Variants in C8orf34 observed in about 807,000 individuals in gnomAD.
The protein encoded by C8orf34 is uncharacterized protein C8orf34.
Under a neutral mutation model 68.3 loss-of-function variants are expected in C8orf34, and 65 were observed. The observed-to-expected ratio is 0.95, with a 90% CI of 0.78 to 1.17. The LOEUF is 1.17. Ranked by LOEUF, C8orf34 falls within the 50% of genes most tolerant of loss-of-function variation. The pLI is 0.00. For synonymous variants in C8orf34, 244 were observed against 241.2 expected (o/e 1.01, Z -0.11); for missense variants, 664 against 655.4 (o/e 1.01, Z -0.14).
rs1805579414 is a variant in C8orf34, at chr8:68,331,347, G to T, written c.327+8G>T. On this transcript the variant is annotated splice_region_variant and intron_variant, in intron 1 of 13. Transcript: ENST00000518698. ...ATCGGTCCCCTGTTTGAGGTAAGGC[G>T]CTGTGGAGGAGGGCAGTCCCGTTGT... The T allele has an allele frequency of 2.0e-6, 3 of 1,536,302 alleles. No individual in the cohort carries two copies. Among genetic ancestry groups the T allele is most frequent in the Middle Eastern group, 1.7e-4 (1 of 5,992 alleles).
intron 5 of C8orf34, among the ~76,000 whole-genome samples, chr8:68,500,531 A>G (rs924238481): frequency 1.3e-5 from 2 of 152,158 alleles, no homozygotes; most frequent in Admixed American, 6.5e-5. Flanking sequence ...AATGTCCTAT[A>G]TGCTAAAGTG....
chr8:68,613,535 C>T lies in C8orf34; in HGVS notation c.1106-26841C>T, dbSNP rs1013154319. 1.3e-4 allele frequency among the ~76,000 whole-genome samples: 20 copies of T among 149,012 alleles called. No individual in the cohort carries two copies. In the East Asian group the frequency reaches 1.8e-3, roughly 13 times the overall value. On this transcript the variant is annotated intron_variant, in intron 7 of 13. Transcript: ENST00000518698. The stretch of plus-strand genomic sequence containing the variant: ...ATTCCCATCTATGAGTGAGAACATG[C>T]AGTGTTTGACTTTTTGTCCTTGTGA...
At chr8:68,461,489 T>G (rs1470686485) in intron 3 of C8orf34, among the ~76,000 whole-genome samples, 11 of 150,482 alleles carry the variant, frequency 7.3e-5, no homozygotes, top group Non-Finnish European at 1.5e-4. Flanking sequence ...CATATAATTG[T>G]CAGATTCACC....
intron 10 of C8orf34, among the ~76,000 whole-genome samples, chr8:68,764,691 C>T (rs1001079045): frequency 6.6e-6 from 1 of 152,168 alleles, no homozygotes; most frequent in African/African-American, 2.4e-5. Context: ...AGAAGAGACA[C>T]TGCCTTTGGG....
At chr8:68,559,766 C>T (rs142912126) in intron 7 of C8orf34, among the ~76,000 whole-genome samples, 5 of 152,124 alleles carry the variant, frequency 3.3e-5, no homozygotes, top group South Asian at 2.1e-4. Context: ...AGAAGGGAGT[C>T]GGTTAGATGA....
At chr8:68,593,638 A>G (rs1586423104) in intron 7 of C8orf34, among the ~76,000 whole-genome samples, 1 of 151,890 alleles carries the variant, frequency 6.6e-6, no homozygotes, top group Non-Finnish European at 1.5e-5. Context: ...TCCTGTTCAC[A>G]TTTTGTATTT....
chr8:68,432,790 C>T (rs1164851721), intron 1 of C8orf34, among the ~76,000 whole-genome samples: 1 of 152,064 alleles, frequency 6.6e-6, no homozygotes, highest in Non-Finnish European at 1.5e-5. Flanking sequence ...GTCCTGTTCT[C>T]ACTGTGCATG....
intron 7 of C8orf34, among the ~76,000 whole-genome samples, chr8:68,584,213 T>C (rs891309131): frequency 3.3e-5 from 5 of 152,102 alleles, no homozygotes; most frequent in African/African-American, 1.2e-4. Context: ...TTTGAAATGG[T>C]ACCTTCAGAA....
intron 10 of C8orf34, among the ~76,000 whole-genome samples, chr8:68,743,546 C>T (rs1822370539): frequency 1.3e-5 from 2 of 152,190 alleles, no homozygotes; most frequent in South Asian, 4.1e-4. Flanking sequence ...CAAGCCGAAC[C>T]AGGGCGAGGC....
intron 8 of C8orf34, among the ~76,000 whole-genome samples, chr8:68,654,030 A>C (rs10088350): frequency 0.026 from 4,013 of 152,266 alleles, 169 homozygotes; most frequent in African/African-American, 0.09. Flanking sequence ...TGTTTGGGTT[A>C]AAACAATTCT....
chr8:68,524,979 T>G (rs1181003278), intron 6 of C8orf34, among the ~76,000 whole-genome samples: 2 of 152,128 alleles, frequency 1.3e-5, no homozygotes, highest in South Asian at 2.1e-4. Context: ...GAATTGGCTT[T>G]CTTTCTTAAG....
At chr8:68,571,017 G>C (rs1384586851) in intron 7 of C8orf34, among the ~76,000 whole-genome samples, 1 of 152,190 alleles carries the variant, frequency 6.6e-6, no homozygotes, top group African/African-American at 2.4e-5. Context: ...TCATGAAGCT[G>C]ATGGAAGGAG....
At chr8:68,332,115 A>C (rs1378351500) in intron 1 of C8orf34, among the ~76,000 whole-genome samples, 1 of 152,094 alleles carries the variant, frequency 6.6e-6, no homozygotes, top group South Asian at 2.1e-4. Context: ...TCTCGCCATT[A>C]AAGAATTTAA....
At chr8:68,507,603 G>C (rs1193396752) in intron 5 of C8orf34, among the ~76,000 whole-genome samples, 1 of 152,126 alleles carries the variant, frequency 6.6e-6, no homozygotes, top group East Asian at 1.9e-4. Context: ...TTACCCTCTG[G>C]AAGTTTCTTT....
chr8:68,693,834 T>C (rs893180706), intron 8 of C8orf34, among the ~76,000 whole-genome samples: 2 of 152,082 alleles, frequency 1.3e-5, no homozygotes, highest in African/African-American at 4.8e-5. Flanking sequence ...TCCTGCAGCG[T>C]CTGGTACAAA....
intron 8 of C8orf34, among the ~76,000 whole-genome samples, chr8:68,706,328 T>G (rs1310169177): frequency 1.3e-5 from 2 of 152,144 alleles, no homozygotes; most frequent in African/African-American, 4.8e-5. Context: ...GGACACTCCC[T>G]TATACCTAGG....
In C8orf34 at chr8:68,351,614, C is replaced by T. The variant is rs143190410; in HGVS notation, c.327+20275C>T. On this transcript the variant is annotated intron_variant, in intron 1 of 13. Transcript: ENST00000518698. ...GATGCCAGTGACTCATAGATTTGGC[C>T]TCTTTAAATAATCCCATACTTCTCA... 2.1e-3 allele frequency among the ~76,000 whole-genome samples: 315 copies of T among 152,154 alleles called. 2 individuals carry two copies. The highest frequency in any genetic ancestry group is 6.8e-3 in the African/African-American group (283 of 41,538).
chr8:68,541,128 G>T (rs1815684841), intron 7 of C8orf34, among the ~76,000 whole-genome samples: 1 of 152,062 alleles, frequency 6.6e-6, no homozygotes, highest in African/African-American at 2.4e-5. Context: ...TGAGGATGAA[G>T]TAAAATCATG....
intron 1 of C8orf34, among the ~76,000 whole-genome samples, chr8:68,408,670 T>C (rs1489689657): frequency 6.6e-6 from 1 of 152,218 alleles, no homozygotes; most frequent in Non-Finnish European, 1.5e-5. Flanking sequence ...AGTGGTCCCG[T>C]AGAGCTCAGA....
Sources: allele counts gnomAD v4.1 joint callset (sites outside exome capture counted in the v4.1 genomes callset), GRCh38; gene constraint gnomAD v4.1.1; transcripts MANE v1.5; gene names NCBI Gene and HGNC (gene_info 2026-07-23, HGNC 2026-07-21).